HEBP1: variants seen among roughly 807,000 people sequenced by gnomAD.
The protein encoded by HEBP1 is heme-binding protein 1.
A neutral mutation model predicts 20.4 loss-of-function variants in HEBP1; 13 were observed. The observed-to-expected ratio is 0.64, with a 90% confidence interval of 0.42 to 1.01. The LOEUF (loss-of-function observed/expected upper bound fraction) is 1.01. Among genes scored for constraint, HEBP1 ranks in the 50% least tolerant of loss-of-function variants. The pLI is 0.00. For synonymous variants in HEBP1, 92 were observed against 90.7 expected (o/e 1.01, Z -0.08); for missense variants, 241 against 247.3 (o/e 0.97, Z 0.17).
At chr12:12,989,893 A>G (rs1239925953) in intron 1 of HEBP1, among the ~76,000 whole-genome samples, 4 of 152,180 alleles carry the variant, frequency 2.6e-5, no homozygotes, top group Non-Finnish European at 4.4e-5. Flanking sequence ...GAGGACTGCA[A>G]TTCAAGGAAT....
chr12:12,976,259 C>CT (rs1863986773), intron 3 of HEBP1, among the ~76,000 whole-genome samples: 1 of 152,160 alleles, frequency 6.6e-6, no homozygotes, highest in African/African-American at 2.4e-5. Context: ...TGAAAGCCTT[C>CT]TTTTTCTAGT....
At position 12,998,081 on chromosome 12, in the gene HEBP1, A is replaced by G. The variant is rs919051644; in HGVS notation, c.78+1956T>C. ...ATTTGTGTCCAGCCTATGCACAACT[A>G]TGTCAGTTTCCCTACTCAAAATCAC... On this transcript the variant is annotated intron_variant, in intron 1 of 3. Coordinates refer to ENST00000014930, the MANE Select transcript of HEBP1 (RefSeq NM_015987.5). This position sits in a 1 kb window ranked among gnomAD's most constrained non-coding sequence, Gnocchi z 4.2. Among the ~76,000 whole-genome samples the G allele has an allele frequency of 1.3e-5, 2 of 151,966 alleles. No homozygotes were observed. The highest frequency in any genetic ancestry group is 1.5e-5 in the Non-Finnish European group (1 of 68,012).
At chr12:12,997,671 C>T (rs850941) in intron 1 of HEBP1, among the ~76,000 whole-genome samples, 41,572 of 152,080 alleles carry the variant, frequency 0.27, 6,403 homozygotes, top group Admixed American at 0.46. Flanking sequence ...TCAGCTTCCA[C>T]TCCACAGGAA....
intron 1 of HEBP1, among the ~76,000 whole-genome samples, chr12:12,994,247 CAA>C (rs1864265254): frequency 6.6e-6 from 1 of 152,088 alleles, no homozygotes; most frequent in Non-Finnish European, 1.5e-5. Flanking sequence ...GTGGCTGGAG[CAA>C]AGACTGTCAA....
chr12:12,989,487 A>G (rs990079248), intron 1 of HEBP1, 72 bp from the exon 2 acceptor site: 3 of 1,537,118 alleles, frequency 2.0e-6, no homozygotes, highest in Non-Finnish European at 2.7e-6. Context: ...AAGTAGTAAC[A>G]GAGGGCTAAA....
intron 3 of HEBP1, chr12:12,984,650 G>C (rs1437846889): frequency 6.6e-6 from 1 of 152,204 alleles, no homozygotes; most frequent in Non-Finnish European, 1.5e-5. Context: ...CCATCAGCCA[G>C]GTGTGGTTGT....
Position 12,986,453 on chromosome 12 carries a change from T to G in HEBP1, c.398+699A>C, listed in dbSNP as rs1227437836. On this transcript the variant is annotated intron_variant, in intron 3 of 3. Transcript: ENST00000014930. This position sits in a 1 kb window ranked among gnomAD's most constrained non-coding sequence, Gnocchi z 4.3. ...CACCTATGATTACTTCTGGTGAAGATCCTGGTCTTTCCCTGAGCCTGGTTT... is the reference window on the plus strand; with the variant it reads ...CACCTATGATTACTTCTGGTGAAGAGCCTGGTCTTTCCCTGAGCCTGGTTT... 6.6e-6 allele frequency: 1 copy of G among 152,270 alleles called. No individual in the cohort carries two copies. The highest frequency in any genetic ancestry group is 1.5e-5 in the Non-Finnish European group (1 of 68,078). The allele number at this position is 152,270 out of a possible 1,614,324, so 9.4% of individuals were successfully genotyped here.
At chr12:12,982,654 C>G (rs1218510168) in intron 3 of HEBP1, among the ~76,000 whole-genome samples, 1 of 152,162 alleles carries the variant, frequency 6.6e-6, no homozygotes, top group African/African-American at 2.4e-5. Context: ...ATGAAACCGG[C>G]CTTTGCAATC....
chr12:12,999,280 A>G (rs552986041), intron 1 of HEBP1, among the ~76,000 whole-genome samples: 2 of 152,242 alleles, frequency 1.3e-5, no homozygotes, highest in South Asian at 2.1e-4. Flanking sequence ...AACTTTATCA[A>G]TTAGGCACAG....
At position 12,979,263 on chromosome 12, in the gene HEBP1, A is replaced by G. The variant is rs558894695; in HGVS notation, c.399-3784T>C. 2.0e-3 allele frequency among the ~76,000 whole-genome samples: 303 copies of G among 152,342 alleles called. 1 individual carries two copies. The highest frequency in any genetic ancestry group is 7.0e-3 in the African/African-American group (292 of 41,574). ...TCCGGGAAAACCCCCAATTCTTTAC[A>G]TTTATTCCCAGGCAGACTGAAATGC... On this transcript the variant is annotated intron_variant, in intron 3 of 3. Coordinates refer to ENST00000014930, the MANE Select transcript of HEBP1 (RefSeq NM_015987.5).
chr12:12,989,174 C>G (rs1864187029), intron 2 of HEBP1, 103 bp downstream of exon 2: 1 of 1,274,340 alleles, frequency 7.8e-7, no homozygotes, highest in Non-Finnish European at 1.1e-6. Flanking sequence ...AAACAGGTCA[C>G]TACAGGTGCC....
intron 1 of HEBP1, among the ~76,000 whole-genome samples, chr12:12,990,107 ACT>A (rs1459995423): frequency 1.5e-5 from 2 of 136,940 alleles, no homozygotes; most frequent in African/African-American, 5.5e-5. Context: ...AATAGTTGCT[ACT>A]CTCTGTGCAC....
chr12:12,987,313 T>G lies in HEBP1; in HGVS notation c.237A>C (p.Thr79=). The change falls in exon 3 of 4, where the codon ACA becomes ACC. Residue 79 remains threonine, a synonymous_variant. Coordinates refer to ENST00000014930, the MANE Select transcript of HEBP1 (RefSeq NM_015987.5). ...GGAACACAGCAAAGGAAATAGGGAC[T>G]GTCATCCCCATCCCAATTCCTGAAA... ...TNDKGIGMGM[T]VPISFAVFPN... 1 of 1,613,550 alleles carries G rather than the reference T, an allele frequency of 6.2e-7. No individual in the cohort carries two copies.
chr12:12,987,572 T>C (rs895964174), intron 2 of HEBP1, among the ~76,000 whole-genome samples: 4 of 149,754 alleles, frequency 2.7e-5, no homozygotes, highest in African/African-American at 9.9e-5. Context: ...ATATCAAGAC[T>C]GTAGATTATC....
intron 2 of HEBP1, among the ~76,000 whole-genome samples, chr12:12,988,575 C>CT (rs1264426719): frequency 6.6e-6 from 1 of 152,088 alleles, no homozygotes; most frequent in African/African-American, 2.4e-5. Context: ...AAACACATCT[C>CT]TTTTTTTTCC....
intron 1 of HEBP1, among the ~76,000 whole-genome samples, chr12:12,990,129 C>T (rs1592405295): frequency 7.2e-6 from 1 of 138,242 alleles, no homozygotes; most frequent in East Asian, 2.0e-4. Flanking sequence ...CACACACACA[C>T]ACACACACAC....
intron 1 of HEBP1, among the ~76,000 whole-genome samples, chr12:12,992,524 C>T (rs1864237084): frequency 6.6e-6 from 1 of 152,114 alleles, no homozygotes; most frequent in African/African-American, 2.4e-5. Context: ...AATTTTAACC[C>T]TGAGTGCCAA....
chr12:12,989,149 G>A (rs1490215033), intron 2 of HEBP1, 128 bp downstream of exon 2: 4 of 975,526 alleles, frequency 4.1e-6, no homozygotes, highest in Non-Finnish European at 6.4e-6. Flanking sequence ...AGTGCAGGAG[G>A]TTCACAGGTC....
intron 1 of HEBP1, 36 bp downstream of exon 1, chr12:13,000,001 C>T: frequency 1.3e-6 from 2 of 1,484,708 alleles, no homozygotes; most frequent in South Asian, 1.2e-5. Context: ...TGGGAGGCAG[C>T]AATCCTTCAG....
Sources: allele counts gnomAD v4.1 joint callset (sites outside exome capture counted in the v4.1 genomes callset), GRCh38; gene constraint gnomAD v4.1.1; non-coding constraint Gnocchi (gnomAD v3.1); transcripts MANE v1.5; gene names NCBI Gene and HGNC (gene_info 2026-07-23, HGNC 2026-07-21).